TTN: variants seen among roughly 807,000 people sequenced by gnomAD.
TTN encodes connectin.
Under a neutral mutation model 3,223.0 loss-of-function variants are expected in TTN, and 1,525 were observed. The ratio of observed to expected loss-of-function variants is 0.47; its 90% confidence interval spans 0.45 to 0.49. The LOEUF is 0.49. Among genes scored for constraint, TTN ranks in the 20% least tolerant of loss-of-function variants. TTN has a pLI of 0.00. For synonymous variants in TTN, 14,094 were observed against 15,161.0 expected, an observed-to-expected ratio of 0.93 and a Z score of 5.17; for missense variants, 40,786 against 43,424.0, an observed-to-expected ratio of 0.94 and a Z score of 5.40.
At chr2:178,743,838 A>T (rs1471506838) in intron 47 of TTN, among the ~76,000 whole-genome samples, 1 of 152,036 alleles carries the variant, frequency 6.6e-6, no homozygotes, top group East Asian at 1.9e-4. Context: ...TATAATTATT[A>T]TCACAGATAT....
chr2:178,679,491 T>C, intron 141 of TTN, 75 bp from the exon 142 acceptor site: 1 of 1,591,022 alleles, frequency 6.3e-7, no homozygotes, highest in East Asian at 2.2e-5. Flanking sequence ...GCTAATGTTT[T>C]TTAACAACGG....
chr2:178,755,640 C>G (rs2086711647), intron 46 of TTN, among the ~76,000 whole-genome samples: 1 of 152,068 alleles, frequency 6.6e-6, no homozygotes, highest in Non-Finnish European at 1.5e-5. Flanking sequence ...GATGGGGTTT[C>G]ACCATATTAG....
chr2:178,765,300 A>C (rs541810847), intron 41 of TTN, among the ~76,000 whole-genome samples: 1 of 152,308 alleles, frequency 6.6e-6, no homozygotes, highest in African/African-American at 2.4e-5. Context: ...GTAAGTATTG[A>C]ATGAATGACT....
rs767280208 is a variant in TTN at position 178,653,238 on chromosome 2, C to G, written c.38791G>C (p.Val12931Leu). 9 of 1,611,892 alleles carry G rather than the reference C, an allele frequency of 5.6e-6. No individual in the cohort carries two copies. Among genetic ancestry groups the G allele is most frequent in the Middle Eastern group, 1.8e-4 (1 of 5,674 alleles). Reference sequence around the variant, plus strand: ...GAAGCCTAAGGTCAGTGACAAATACCTTTAACAGGTGGGACTTCAGGCTTT... The same window carrying G: ...GAAGCCTAAGGTCAGTGACAAATACGTTTAACAGGTGGGACTTCAGGCTTT... ...PKKPEVPPVK[V>L]PEAPKEVVPE... Residue 12931 changes from valine (V) to leucine (L), a missense_variant and splice_region_variant, in exon 198 of 363, where the codon GTG (valine) becomes CTG (leucine). By Grantham distance (32) the Val-to-Leu change is conservative (BLOSUM62 1). Coordinates refer to ENST00000589042, the MANE Select transcript of TTN (RefSeq NM_001267550.2).
In TTN at chr2:178,801,494, T is replaced by C. The variant is rs537409354; in HGVS notation, c.295+644A>G. Among the ~76,000 whole-genome samples the C allele has an allele frequency of 5.3e-5, 8 of 152,318 alleles. No individual in the cohort carries two copies. In the South Asian group the frequency reaches 1.7e-3, roughly 32 times the overall value. ...TGAACATCATTGAAGGTAAAGTTTA[T>C]TGGATAAGCATATGTAACTTTACGT... On this transcript the variant is annotated intron_variant, in intron 3 of 362. Coordinates refer to ENST00000589042, the MANE Select transcript of TTN (RefSeq NM_001267550.2).
In TTN at chr2:178,554,199, C is replaced by T. The variant is rs1328502977; in HGVS notation, c.88912G>A (p.Gly29638Ser). 2 of 1,600,862 alleles carry T rather than the reference C, an allele frequency of 1.2e-6. No individual in the cohort carries two copies. The highest frequency in any genetic ancestry group is 1.7e-5 in the Admixed American group (1 of 57,804). The change falls in exon 333 of 363, where the codon GGC (glycine) becomes AGC (serine). Residue 29638 changes from glycine to serine, a missense_variant. Coordinates refer to ENST00000589042, the MANE Select transcript of TTN (RefSeq NM_001267550.2). ...GTAATCTTTGTCACTTCTGGTATGC[C>T]TGGTGGCCCAGGTGTAACTATTTAG... is the stretch of plus-strand genomic sequence containing the variant. ...KNAFVTPGPPGIPEVTKITKN... is the reference protein window; with the variant it reads ...KNAFVTPGPPSIPEVTKITKN...
rs1177814135 is a variant in TTN at position 178,536,369 on chromosome 2, C to T, written c.100378G>A (p.Gly33460Ser). The T allele has an allele frequency of 1.2e-6, 2 of 1,613,734 alleles. No homozygotes were observed. Among genetic ancestry groups the T allele is most frequent in the South Asian group, 1.1e-5 (1 of 91,068 alleles). Residue 33460 changes from glycine to serine, a missense_variant, in exon 357 of 363, where the codon GGT becomes AGT. By Grantham distance (56) the Gly-to-Ser change is moderately conservative (BLOSUM62 0). Transcript: ENST00000589042. ...TTCACACGAAACTCGTATTCAAGACCTTCAATAAGGTTTTTCACTGAAAAG... is the reference window on the plus strand; with the variant it reads ...TTCACACGAAACTCGTATTCAAGACTTTCAATAAGGTTTTTCACTGAAAAG... ...TVFSVKNLIE[G>S]LEYEFRVKCE...
Position 178,608,962 on chromosome 2 carries a change from T to C in TTN, c.52103-54A>G. ...AAAATTTGTGTGGGAAGGGTTGCTATGGAAAATATAAATGTGAGCATGCTC... is the reference window on the plus strand; with the variant it reads ...AAAATTTGTGTGGGAAGGGTTGCTACGGAAAATATAAATGTGAGCATGCTC... On this transcript the variant is annotated intron_variant, in intron 273 of 362. Coordinates refer to ENST00000589042, the MANE Select transcript of TTN (RefSeq NM_001267550.2). The C allele has an allele frequency of 1.9e-6, 3 of 1,572,864 alleles. No individual in the cohort carries two copies. The Middle Eastern group carries it at 5.2e-4, about 273-fold the overall frequency.
Position 178,636,771 on chromosome 2 carries a change from T to C in TTN, c.40956A>G (p.Ile13652Met), listed in dbSNP as rs397517562. ...GCCTTAACTTTCTCCTTTCGGCTTC[T>C]ATTGGTGAAGGAGTCTTTTTGGGTA... Reference protein sequence around the residue: ...KGVPKKTPSPIEAERRKLRPG... With the variant: ...KGVPKKTPSPMEAERRKLRPG... The change falls in exon 225 of 363, where the codon ATA (isoleucine) becomes ATG (methionine). Residue 13652 changes from isoleucine to methionine, a missense_variant. Coordinates refer to ENST00000589042, the MANE Select transcript of TTN (RefSeq NM_001267550.2). This position sits in a 1 kb window ranked among gnomAD's most constrained non-coding sequence, Gnocchi z 4.3. The C allele has an allele frequency of 3.1e-6, 5 of 1,604,442 alleles. No homozygotes were observed. The South Asian group carries it at 5.6e-5, about 18-fold the overall frequency.
intron 112 of TTN, among the ~76,000 whole-genome samples, chr2:178,698,625 G>A (rs1250210932): frequency 6.6e-6 from 1 of 152,010 alleles, no homozygotes; most frequent in African/African-American, 2.4e-5. Flanking sequence ...TGTTGTCATT[G>A]GTTCCCAGGG....
In TTN at chr2:178,723,495, G is replaced by C. The variant is rs747376234; in HGVS notation, c.21605C>G (p.Ser7202Cys). 3.1e-6 allele frequency: 5 copies of C among 1,613,314 alleles called. No individual in the cohort carries two copies. The East Asian group carries it at 1.1e-4, about 36-fold the overall frequency. ...CACACAGGTGTATTCCCCACTCTGA[G>C]ATATGTCAATATTAAATAATTCCAG... ...AELELFNIDI[S>C]QSGEYTCVVS... The change falls in exon 74 of 363, where the codon TCT becomes TGT. Residue 7202 changes from serine to cysteine, a missense_variant. Transcript: ENST00000589042.
In TTN at chr2:178,712,211, A is replaced by C. The variant is rs765453217; in HGVS notation, c.27619T>G (p.Phe9207Val). The change falls in exon 96 of 363, where the codon TTT (phenylalanine) becomes GTT (valine). Residue 9207 changes from phenylalanine (F) to valine (V), a missense_variant. Coordinates refer to ENST00000589042, the MANE Select transcript of TTN (RefSeq NM_001267550.2). ...TTAACCGGCTCCAACTGCTTGACAAAATACGGTGGTTCTGCAGCCAAGAGA... is the reference window on the plus strand; with the variant it reads ...TTAACCGGCTCCAACTGCTTGACAACATACGGTGGTTCTGCAGCCAAGAGA... ...AQILILEPPYFVKQLEPVKVS... is the reference protein window; with the variant it reads ...AQILILEPPYVVKQLEPVKVS... The C allele has an allele frequency of 1.8e-5, 29 of 1,612,920 alleles. No homozygotes were observed. In the Middle Eastern group the frequency reaches 4.9e-4, roughly 27 times the overall value.
intron 332 of TTN, 63 bp downstream of exon 332, chr2:178,554,390 A>G: frequency 7.2e-6 from 11 of 1,529,472 alleles, no homozygotes; most frequent in Non-Finnish European, 9.8e-6. Flanking sequence ...GCATATGCAC[A>G]GGTTAGCGTA....
chr2:178,585,025 T>G, intron 309 of TTN, 47 bp downstream of exon 309: 2 of 1,603,408 alleles, frequency 1.2e-6, no homozygotes, highest in Non-Finnish European at 1.7e-6. Flanking sequence ...GTAAAAATAT[T>G]TCTGAGCTTC....
chr2:178,637,281 A>T, intron 224 of TTN, 88 bp downstream of exon 224: 1 of 871,144 alleles, frequency 1.1e-6, no homozygotes, highest in Non-Finnish European at 1.6e-6. Context: ...AATTGTTATG[A>T]ATTTTGAAAT....
At chr2:178,798,438 C>T (rs1246070755) in intron 6 of TTN, 1 of 151,984 alleles carries the variant, frequency 6.6e-6, no homozygotes, top group Non-Finnish European at 1.5e-5. Flanking sequence ...AAAATACTTC[C>T]ATATTAAGTA....
rs776302840 is a variant in TTN, at chr2:178,665,695, G to A, written c.35959+13C>T. On this transcript the variant is annotated intron_variant, in intron 164 of 362. Coordinates refer to ENST00000589042, the MANE Select transcript of TTN (RefSeq NM_001267550.2). The stretch of plus-strand genomic sequence containing the variant: ...CTAATAAATGAAGGAAGGAATGGCA[G>A]GATGAACGATACCTTTAGTGGGAGG... The A allele has an allele frequency of 4.0e-5, 54 of 1,334,008 alleles. No homozygotes were observed. Among genetic ancestry groups the A allele is most frequent in the Middle Eastern group, 2.8e-4 (1 of 3,604 alleles). The allele number at this position is 1,334,008 out of a possible 1,614,324, so 82.6% of individuals were successfully genotyped here. A position where few individuals can be genotyped will look rare whatever the true frequency, so the allele number is the denominator to read the frequency against.
chr2:178,689,650 G>A, intron 122 of TTN, 55 bp from the exon 123 acceptor site: 1 of 1,521,642 alleles, frequency 6.6e-7, no homozygotes. Context: ...GCTATGCACA[G>A]TTATTTTTTT....
rs774629592 is a variant in TTN, at chr2:178,591,615, T to G, written c.60204A>C (p.Glu20068Asp). The change falls in exon 303 of 363, where the codon GAA becomes GAC. Residue 20068 changes from glutamate to aspartate, a missense_variant. Coordinates refer to ENST00000589042, the MANE Select transcript of TTN (RefSeq NM_001267550.2). ...LGLPDTTIPIECQEKLVPPSV... is the reference protein window; with the variant it reads ...LGLPDTTIPIDCQEKLVPPSV... ...AAAAATTACCTAGTTTTTCTTGACA[T>G]TCTATCGGGATAGTTGTGTCAGGGA... 1 of 1,612,100 alleles carries G rather than the reference T, an allele frequency of 6.2e-7. No individual in the cohort carries two copies. Among genetic ancestry groups the G allele is most frequent in the African/African-American group, 1.3e-5 (1 of 74,794 alleles).
Sources: gnomAD v4.1 joint callset for allele counts (sites outside exome capture counted in the v4.1 genomes callset) on GRCh38, gnomAD v4.1.1 for gene constraint, Gnocchi (gnomAD v3.1) non-coding constraint, MANE v1.5 for transcripts, NCBI Gene and HGNC (gene_info 2026-07-23, HGNC 2026-07-21) for gene names.